The following KPNA6 variants were observed in gnomAD, a reference collection of about 807,000 sequenced individuals.
The protein encoded by KPNA6 is importin subunit alpha-7.
Under a neutral mutation model 72.0 loss-of-function variants are expected in KPNA6, and 9 were observed. The ratio of observed to expected loss-of-function variants is 0.13; its 90% CI spans 0.08 to 0.22. KPNA6 has a LOEUF of 0.22. KPNA6 is among the 10% of genes least tolerant of loss of function. The pLI is 1.00. For synonymous variants in KPNA6, 219 were observed against 242.1 expected (o/e 0.90, Z 0.89); for missense variants, 374 against 655.7 (o/e 0.57, Z 4.69).
At chr1:32,131,969 A>G (rs911583743) in intron 1 of KPNA6, among the ~76,000 whole-genome samples, 1 of 150,536 alleles carries the variant, frequency 6.6e-6, no homozygotes, top group African/African-American at 2.4e-5. Flanking sequence ...TTATTTATTT[A>G]TTTATTTTTT....
At chr1:32,149,167 T>A (rs1156908769) in intron 1 of KPNA6, among the ~76,000 whole-genome samples, 4 of 152,164 alleles carry the variant, frequency 2.6e-5, no homozygotes, top group Admixed American at 2.0e-4. Flanking sequence ...AATTTTTTAT[T>A]TCAATAAGTG....
chr1:32,151,345 A>G (rs985548406), intron 1 of KPNA6, among the ~76,000 whole-genome samples: 3 of 152,138 alleles, frequency 2.0e-5, no homozygotes, highest in African/African-American at 7.2e-5. Flanking sequence ...AGATTTGTCT[A>G]AAGTCTCTCA....
intron 8 of KPNA6, 57 bp downstream of exon 8, chr1:32,162,103 T>A: frequency 7.2e-7 from 1 of 1,395,404 alleles, no homozygotes; most frequent in Non-Finnish European, 1.0e-6. Flanking sequence ...TATGGAGTTT[T>A]TAAGTCTTTG....
At chr1:32,111,208 T>TA (rs1207121495) in intron 1 of KPNA6, among the ~76,000 whole-genome samples, 1 of 152,160 alleles carries the variant, frequency 6.6e-6, no homozygotes, top group Non-Finnish European at 1.5e-5. Context: ...AAGTAGAGAT[T>TA]TACTCAGTTT....
chr1:32,128,319 AAG>A (rs1395001340), intron 1 of KPNA6, among the ~76,000 whole-genome samples: 1 of 147,334 alleles, frequency 6.8e-6, no homozygotes, highest in Non-Finnish European at 1.5e-5. Flanking sequence ...AGTAAATCCT[AAG>A]AGAGAATTAG....
intron 1 of KPNA6, among the ~76,000 whole-genome samples, chr1:32,124,245 C>G (rs911372129): frequency 3.3e-5 from 5 of 151,828 alleles, no homozygotes; most frequent in Non-Finnish European, 7.4e-5. Context: ...TAGTGGCATG[C>G]ACCTGCAGTC....
chr1:32,128,549 T>G (rs1570009988), intron 1 of KPNA6, among the ~76,000 whole-genome samples: 1 of 151,366 alleles, frequency 6.6e-6, no homozygotes, highest in Non-Finnish European at 1.5e-5. Flanking sequence ...CCACCTAGTT[T>G]ATAAATTTAG....
intron 7 of KPNA6, among the ~76,000 whole-genome samples, chr1:32,160,992 CA>C (rs1298510317): frequency 6.6e-6 from 1 of 152,012 alleles, no homozygotes; most frequent in Non-Finnish European, 1.5e-5. Context: ...CCCAACTCTA[CA>C]AAAAATACAA....
chr1:32,148,801 C>T (rs1641977666), intron 1 of KPNA6, among the ~76,000 whole-genome samples: 2 of 152,062 alleles, frequency 1.3e-5, no homozygotes, highest in African/African-American at 4.8e-5. Flanking sequence ...TTGTGATCCA[C>T]CCGCCTCAGC....
rs1239622976 is a variant in KPNA6, at chr1:32,145,297, G to A, written c.5-9291G>A. On this transcript the variant is annotated intron_variant, in intron 1 of 13. Coordinates refer to ENST00000373625, the MANE Select transcript of KPNA6 (RefSeq NM_012316.5). The stretch of plus-strand genomic sequence containing the variant: ...ATACGTTTTTCAGTCAGCTTTCTCA[G>A]GTTGAATCATTGTGGTTTTGATTTG... Among the ~76,000 whole-genome samples the A allele has an allele frequency of 2.1e-4, 32 of 150,426 alleles. No individual in the cohort carries two copies. In the Admixed American group the frequency reaches 2.1e-3, roughly 10 times the overall value.
At chr1:32,119,028 A>ATTTTTTTTTT (rs1197600051) in intron 1 of KPNA6, among the ~76,000 whole-genome samples, 6 of 63,210 alleles carry the variant, frequency 9.5e-5, no homozygotes, top group Admixed American at 2.3e-4. Context: ...ATATATATAT[A>ATTTTTTTTTT]TATATTTTTT....
chr1:32,169,490 A>G (rs1364686033), intron 12 of KPNA6, among the ~76,000 whole-genome samples: 13 of 143,450 alleles, frequency 9.1e-5, no homozygotes, highest in Admixed American at 7.2e-5. Flanking sequence ...TCTGTCGCCC[A>G]GGCTGGAGTG....
Position 32,156,864 on chromosome 1 carries a change from G to T in KPNA6, c.150G>T (p.Arg50=). 1 of 1,613,720 alleles carries T rather than the reference G, an allele frequency of 6.2e-7. No individual in the cohort carries two copies. Among genetic ancestry groups the T allele is most frequent in the South Asian group, 1.1e-5 (1 of 91,034 alleles). The part of the protein sequence containing the change: ...KQKREQQLFK[R]RNVELINEEA... ...CTCTTTACTTTCAGCTTTTTAAACGGAGAAATGTGGAGCTGATTAATGAAG... is the reference window on the plus strand; with the variant it reads ...CTCTTTACTTTCAGCTTTTTAAACGTAGAAATGTGGAGCTGATTAATGAAG... Residue 50 remains arginine (R), a synonymous_variant, in exon 3 of 14, where the codon CGG becomes CGT. Coordinates refer to ENST00000373625, the MANE Select transcript of KPNA6 (RefSeq NM_012316.5).
intron 1 of KPNA6, among the ~76,000 whole-genome samples, chr1:32,108,462 G>A (rs1239499951): frequency 2.0e-5 from 3 of 152,244 alleles, no homozygotes; most frequent in Non-Finnish European, 4.4e-5. Flanking sequence ...GCTGGGGGAC[G>A]GGCTCCCGGC....
At chr1:32,158,161 T>A (rs965230186) in intron 4 of KPNA6, 106 bp from the exon 5 acceptor site, 1 of 690,146 alleles carries the variant, frequency 1.4e-6, no homozygotes. Flanking sequence ...TTGGGAATGT[T>A]TGTAAGGGTG....
chr1:32,164,868 T>C (rs534689247), intron 10 of KPNA6, among the ~76,000 whole-genome samples: 14 of 152,218 alleles, frequency 9.2e-5, no homozygotes, highest in Admixed American at 5.9e-4. Context: ...CTTTTAACTT[T>C]GGTGTCTTTA....
intron 6 of KPNA6, 39 bp from the exon 7 acceptor site, chr1:32,160,576 C>G (rs1405658922): frequency 1.7e-5 from 26 of 1,538,238 alleles, no homozygotes; most frequent in Non-Finnish European, 2.3e-5. Context: ...ACAGGAGTAC[C>G]AAGCTTTGTG....
At position 32,158,322 on chromosome 1, in the gene KPNA6, C is replaced by T. The variant is rs1022451431; in HGVS notation, c.387C>T (p.Phe129=). Reference sequence around the variant, plus strand: ...ACACTCCAAGAGTGGTGGATCGGTTCGTGGAGTTTCTGAAGAGGAATGAGA... The same window carrying T: ...ACACTCCAAGAGTGGTGGATCGGTTTGTGGAGTTTCTGAAGAGGAATGAGA... ...VINTPRVVDR[F]VEFLKRNENC... Residue 129 remains phenylalanine, a synonymous_variant, in exon 5 of 14, where the codon TTC becomes TTT. Coordinates refer to ENST00000373625, the MANE Select transcript of KPNA6 (RefSeq NM_012316.5). 6 of 1,613,200 alleles carry T rather than the reference C, an allele frequency of 3.7e-6. No individual in the cohort carries two copies. Among genetic ancestry groups the T allele is most frequent in the African/African-American group, 1.3e-5 (1 of 74,850 alleles).
intron 1 of KPNA6, among the ~76,000 whole-genome samples, chr1:32,109,791 C>G (rs572144448): frequency 2.0e-5 from 3 of 151,494 alleles, no homozygotes; most frequent in Admixed American, 2.0e-4. Flanking sequence ...ACTACAGGTG[C>G]CCGCCACCAC....
Sources: gnomAD v4.1 joint callset for allele counts (sites outside exome capture counted in the v4.1 genomes callset) on GRCh38, gnomAD v4.1.1 for gene constraint, MANE v1.5 for transcripts, NCBI Gene and HGNC (gene_info 2026-07-23, HGNC 2026-07-21) for gene names.